The following C8orf34 variants were observed in gnomAD, a reference collection of about 807,000 sequenced individuals.
C8orf34 encodes the protein uncharacterized protein C8orf34.
A neutral mutation model predicts 68.3 loss-of-function variants in C8orf34; 65 were observed. That is an observed-to-expected ratio of 0.95 (90% CI 0.78 to 1.17). The LOEUF (loss-of-function observed/expected upper bound fraction) is 1.17, where lower values mean the gene tolerates loss of function less well. C8orf34 is among the 50% of genes most tolerant of loss of function. The pLI is 0.00. For synonymous variants in C8orf34, 244 were observed against 241.2 expected, an observed-to-expected ratio of 1.01 and a Z score of -0.11; for missense variants, 664 against 655.4, an observed-to-expected ratio of 1.01 and a Z score of -0.14.
At chr8:68,771,618 C>A (rs1377005390) in intron 10 of C8orf34, among the ~76,000 whole-genome samples, 1 of 152,062 alleles carries the variant, frequency 6.6e-6, no homozygotes, top group Non-Finnish European at 1.5e-5. Context: ...TTAAGCAGCT[C>A]CTTTATCCGG....
chr8:68,672,217 A>G (rs771324014), intron 8 of C8orf34, among the ~76,000 whole-genome samples: 2 of 152,170 alleles, frequency 1.3e-5, no homozygotes, highest in Non-Finnish European at 2.9e-5. Flanking sequence ...AGATGGTTGA[A>G]TATAAGCCTC....
chr8:68,722,159 G>A (rs1821695469), intron 10 of C8orf34, among the ~76,000 whole-genome samples: 1 of 152,142 alleles, frequency 6.6e-6, no homozygotes, highest in African/African-American at 2.4e-5. Flanking sequence ...AGGGCTGCTT[G>A]CTTCTGAGGT....
intron 10 of C8orf34, among the ~76,000 whole-genome samples, chr8:68,748,273 C>G (rs1822574209): frequency 7.1e-6 from 1 of 141,276 alleles, no homozygotes; most frequent in Non-Finnish European, 1.5e-5. Context: ...GACCTAAAAC[C>G]ATAAAAACCC....
rs187947911 is a variant in C8orf34 at position 68,535,971 on chromosome 8, G to A, written c.1105+2822G>A. The A allele has an allele frequency of 2.2e-3, 1,451 of 668,698 alleles. 2 individuals carry two copies. The highest frequency in any genetic ancestry group is 2.4e-3 in the Non-Finnish European group (1,312 of 540,964). The allele number at this position is 668,698 out of a possible 1,614,324, so 41.4% of individuals were successfully genotyped here. A position where few individuals can be genotyped will look rare whatever the true frequency, so the allele number is the denominator to read the frequency against. The stretch of plus-strand genomic sequence containing the variant: ...TTTTAGTACAAATATTTTAGTAATC[G>A]TTCTGGCAATTAATGACCACTATGA... On this transcript the variant is annotated intron_variant, in intron 7 of 13. Transcript: ENST00000518698.
At chr8:68,531,967 TACACCAACA>T (rs1815265095) in intron 6 of C8orf34, among the ~76,000 whole-genome samples, 1 of 151,974 alleles carries the variant, frequency 6.6e-6, no homozygotes, top group African/African-American at 2.4e-5. Flanking sequence ...GAACAGTAGC[TACACCAACA>T]ACACCAAGAG....
chr8:68,650,636 C>T (rs1008203343), intron 8 of C8orf34, among the ~76,000 whole-genome samples: 12 of 151,882 alleles, frequency 7.9e-5, no homozygotes, highest in African/African-American at 1.2e-4. Flanking sequence ...CCCGCCACCA[C>T]GCCCGGCTAA....
chr8:68,378,157 T>C (rs1807884207), intron 1 of C8orf34, among the ~76,000 whole-genome samples: 2 of 152,184 alleles, frequency 1.3e-5, no homozygotes, highest in South Asian at 4.1e-4. Context: ...CATATTAATT[T>C]ATTTCTTGAT....
intron 6 of C8orf34, 97 bp from the exon 7 acceptor site, chr8:68,532,886 A>G (rs1815306768): frequency 3.7e-6 from 3 of 814,300 alleles, no homozygotes; most frequent in South Asian, 2.0e-5. Flanking sequence ...CTTTAGTAAC[A>G]TGTCCACATA....
chr8:68,466,533 A>G (rs1163605846), intron 3 of C8orf34, among the ~76,000 whole-genome samples: 3 of 149,056 alleles, frequency 2.0e-5, no homozygotes, highest in Admixed American at 6.8e-5. Context: ...TAAAAATAAA[A>G]TGCACCATGG....
chr8:68,664,866 T>C (rs1388743796), intron 8 of C8orf34, among the ~76,000 whole-genome samples: 1 of 152,150 alleles, frequency 6.6e-6, no homozygotes, highest in Non-Finnish European at 1.5e-5. Flanking sequence ...GCTATAAAAA[T>C]ATATGATGAG....
chr8:68,431,366 A>G (rs1048967433), intron 1 of C8orf34, among the ~76,000 whole-genome samples: 5 of 152,178 alleles, frequency 3.3e-5, no homozygotes, highest in African/African-American at 1.2e-4. Context: ...ACTTCTATAT[A>G]CATCTGCTAC....
chr8:68,794,948 A>T (rs1440582895), intron 12 of C8orf34, among the ~76,000 whole-genome samples: 1 of 152,096 alleles, frequency 6.6e-6, no homozygotes, highest in Non-Finnish European at 1.5e-5. Context: ...TGGATAAGGG[A>T]TACTCTGTAT....
At chr8:68,616,389 C>G (rs1048291596) in intron 7 of C8orf34, among the ~76,000 whole-genome samples, 36 of 152,126 alleles carry the variant, frequency 2.4e-4, no homozygotes, top group Non-Finnish European at 4.4e-5. Context: ...GTTAGGGTGT[C>G]AATTTTGGAT....
intron 10 of C8orf34, among the ~76,000 whole-genome samples, chr8:68,725,164 T>TA (rs1403060272): frequency 2.0e-5 from 3 of 152,134 alleles, no homozygotes; most frequent in Admixed American, 6.5e-5. Context: ...TCCTTTATCT[T>TA]AAAAAAATCT....
At chr8:68,587,372 T>C (rs1817239220) in intron 7 of C8orf34, among the ~76,000 whole-genome samples, 2 of 152,118 alleles carry the variant, frequency 1.3e-5, no homozygotes, top group Admixed American at 6.6e-5. Context: ...AGCATTAGCA[T>C]TGAACTTGCT....
At chr8:68,401,873 G>A (rs1808973267) in intron 1 of C8orf34, among the ~76,000 whole-genome samples, 1 of 151,616 alleles carries the variant, frequency 6.6e-6, no homozygotes, top group Non-Finnish European at 1.5e-5. Flanking sequence ...GTGTGTGTGT[G>A]TGTGTGTGTG....
At chr8:68,485,716 A>G (rs377008461) in intron 4 of C8orf34, among the ~76,000 whole-genome samples, 1 of 72,254 alleles carries the variant, frequency 1.4e-5, no homozygotes, top group Admixed American at 1.5e-4. Flanking sequence ...TGTCTCAAAA[A>G]AAAATAAAAA....
At chr8:68,777,673 T>C (rs1393557804) in intron 11 of C8orf34, among the ~76,000 whole-genome samples, 2 of 152,198 alleles carry the variant, frequency 1.3e-5, no homozygotes, top group Non-Finnish European at 2.9e-5. Flanking sequence ...ATCTTAAAAG[T>C]GCCAAGATGC....
At chr8:68,471,628 A>G (rs952931846) in intron 4 of C8orf34, among the ~76,000 whole-genome samples, 7 of 152,078 alleles carry the variant, frequency 4.6e-5, no homozygotes, top group African/African-American at 1.7e-4. Flanking sequence ...AGGAAGACAT[A>G]GGGGATGGGA....
Sources: gnomAD v4.1 joint callset for allele counts (sites outside exome capture counted in the v4.1 genomes callset) on GRCh38, gnomAD v4.1.1 for gene constraint, MANE v1.5 for transcripts, NCBI Gene and HGNC (gene_info 2026-07-23, HGNC 2026-07-21) for gene names.